Variants in EFNA1 observed in about 807,000 individuals in gnomAD.
EFNA1 encodes the protein ephrin-A1.
Under a neutral mutation model 23.2 loss-of-function variants are expected in EFNA1, and 8 were observed. The observed-to-expected ratio is 0.34, with a 90% CI of 0.20 to 0.62. The LOEUF (loss-of-function observed/expected upper bound fraction) is 0.62. Ranked by LOEUF, EFNA1 falls within the 20% of genes least tolerant of loss-of-function variation. The probability of loss-of-function intolerance (pLI) is 0.75; values close to 1 mark genes in which losing one functional copy is unlikely to be tolerated. For synonymous variants in EFNA1, 89 were observed against 98.6 expected, an observed-to-expected ratio of 0.90 and a Z score of 0.58; for missense variants, 217 against 260.0, an observed-to-expected ratio of 0.83 and a Z score of 1.14.
At chr1:155,133,911 G>C in intron 4 of EFNA1, 44 bp from the exon 5 acceptor site, 4 of 1,607,416 alleles carry the variant, frequency 2.5e-6, no homozygotes, top group Non-Finnish European at 3.4e-6. Flanking sequence ...AGTACAAATA[G>C]TGGAGCCACT....
At position 155,134,203 on chromosome 1, in the gene EFNA1, C is replaced by T; in HGVS notation, c.*136C>T. 1 of 868,100 alleles carries T rather than the reference C, an allele frequency of 1.2e-6. No individual in the cohort carries two copies. The highest frequency in any genetic ancestry group is 1.6e-5 in the South Asian group (1 of 63,998). The allele number at this position is 868,100 out of a possible 1,614,324, so 53.8% of individuals were successfully genotyped here. A position where few individuals can be genotyped will look rare whatever the true frequency, so the allele number is the denominator to read the frequency against. On this transcript the variant is annotated 3_prime_UTR_variant, in exon 5 of 5. Transcript: ENST00000368407. ...ACCACAGGCATAAGCTATCACCTAG[C>T]AGCCTCAAAACGGGTCAGTATTAAG...
Position 155,133,508 on chromosome 1 carries a change from C to G in EFNA1, c.394C>G (p.Pro132Ala). Residue 132 changes from proline (P) to alanine (A), a missense_variant, in exon 3 of 5, where the codon CCC becomes GCC. Physicochemically the swap from Pro to Ala is conservative, Grantham distance 27. Coordinates refer to ENST00000368407, the MANE Select transcript of EFNA1 (RefSeq NM_004428.3). ...CCTGTGGGCTTATCTTGCAGCCAAA[C>G]CCATCCACCAGCATGAAGACCGCTG... ...EGHSYYYISK[P>A]IHQHEDRCLR... 6.2e-7 allele frequency: 1 copy of G among 1,614,100 alleles called. No homozygotes were observed. The highest frequency in any genetic ancestry group is 1.1e-5 in the South Asian group (1 of 91,086).
rs1415809204 is a variant in EFNA1 at position 155,134,382 on chromosome 1, T to C, written c.*315T>C. ...GCAGGCATGGTCCCTTAAGGCACAG[T>C]GGGAGCTGAGCTGGAAGGGGCCACG... is the stretch of plus-strand genomic sequence containing the variant. On this transcript the variant is annotated 3_prime_UTR_variant, in exon 5 of 5. Transcript: ENST00000368407. 2.6e-6 allele frequency: 1 copy of C among 391,954 alleles called. No individual in the cohort carries two copies. Among genetic ancestry groups the C allele is most frequent in the African/African-American group, 2.0e-5 (1 of 48,790 alleles). 24.3% of individuals were successfully genotyped at this position (391,954 alleles called of 1,614,324 possible).
chr1:155,131,050 A>G (rs934381705), intron 1 of EFNA1: 1 of 985,310 alleles, frequency 1.0e-6, no homozygotes, highest in Non-Finnish European at 1.2e-6. Context: ...CCATCTAAAT[A>G]TCAGGTAAGT....
rs187680796 is a variant in EFNA1 at position 155,131,259 on chromosome 1, C to A, written c.93-80C>A. 5.3e-5 allele frequency: 80 copies of A among 1,509,080 alleles called. No homozygotes were observed. The African/African-American group carries it at 8.6e-4, about 16-fold the overall frequency. The allele number at this position is 1,509,080 out of a possible 1,614,324, so 93.5% of individuals were successfully genotyped here. ...GGGTCCAGTGTGAAATGTGAGAGGTCATGTAAACATTCAGAGGCCCAAGGA... is the reference window on the plus strand; with the variant it reads ...GGGTCCAGTGTGAAATGTGAGAGGTAATGTAAACATTCAGAGGCCCAAGGA... On this transcript the variant is annotated intron_variant, in intron 1 of 4. Coordinates refer to ENST00000368407, the MANE Select transcript of EFNA1 (RefSeq NM_004428.3).
intron 2 of EFNA1, 45 bp downstream of exon 2, chr1:155,131,679 T>C: frequency 6.3e-7 from 1 of 1,583,208 alleles, no homozygotes; most frequent in Non-Finnish European, 8.6e-7. Context: ...TTTTTTGCCA[T>C]TACATACATG....
intron 1 of EFNA1, 60 bp downstream of exon 1, chr1:155,128,129 T>C: frequency 6.8e-7 from 1 of 1,477,868 alleles, no homozygotes; most frequent in Non-Finnish European, 9.4e-7. Context: ...CCCACCGGGA[T>C]AACTGTCCCG....
chr1:155,130,975 C>G (rs1209136948), intron 1 of EFNA1: 1 of 985,126 alleles, frequency 1.0e-6, no homozygotes, highest in African/African-American at 1.7e-5. Context: ...ACTGGTAGAA[C>G]AGATTTGGGG....
At position 155,131,519 on chromosome 1, in the gene EFNA1, G is replaced by T. The variant is rs778578434; in HGVS notation, c.273G>T (p.Gln91His). ...QPQSKDQVRW[Q>H]CNRPSAKHGP... ...AGTCCAAGGACCAAGTCCGCTGGCA[G>T]TGCAACCGGCCCAGTGCCAAGCATG... Residue 91 changes from glutamine to histidine, a missense_variant, in exon 2 of 5, where the codon CAG becomes CAT. Coordinates refer to ENST00000368407, the MANE Select transcript of EFNA1 (RefSeq NM_004428.3). 4 of 1,613,558 alleles carry T rather than the reference G, an allele frequency of 2.5e-6. No homozygotes were observed. The highest frequency in any genetic ancestry group is 2.2e-5 in the South Asian group (2 of 90,988).
rs1205239967 is a variant in EFNA1 at position 155,131,494 on chromosome 1, A to G, written c.248A>G (p.Gln83Arg). ...EHEEYQLCQP[Q>R]SKDQVRWQCN... ...GAGGAGTACCAGCTGTGCCAGCCCC[A>G]GTCCAAGGACCAAGTCCGCTGGCAG... Residue 83 changes from glutamine to arginine, a missense_variant, in exon 2 of 5, where the codon CAG becomes CGG. Physicochemically the swap from Gln to Arg is conservative, Grantham distance 43. Coordinates refer to ENST00000368407, the MANE Select transcript of EFNA1 (RefSeq NM_004428.3). 6.2e-7 allele frequency: 1 copy of G among 1,613,700 alleles called. No homozygotes were observed. The highest frequency in any genetic ancestry group is 1.3e-5 in the African/African-American group (1 of 75,056).
chr1:155,130,521 G>T (rs1298931040), intron 1 of EFNA1: 2 of 984,806 alleles, frequency 2.0e-6, no homozygotes, highest in Non-Finnish European at 2.4e-6. Flanking sequence ...GGGGAGAGGG[G>T]AGAGGCTGTC....
intron 2 of EFNA1, among the ~76,000 whole-genome samples, chr1:155,132,449 T>TCTCTACTAAATAACTCGAGACCA: frequency 6.6e-6 from 1 of 151,654 alleles, no homozygotes; most frequent in South Asian, 2.1e-4. Flanking sequence ...GGTTTCACCA[T>TCTCTACTAAATAACTCGAGACCA]GTTGGTCAGA....
chr1:155,131,695 G>A (rs1664243118), intron 2 of EFNA1, 61 bp downstream of exon 2: 1 of 1,555,912 alleles, frequency 6.4e-7, no homozygotes, highest in Non-Finnish European at 8.8e-7. Flanking sequence ...ACATGCTTGG[G>A]TACATGCTTG....
chr1:155,134,624 G>T lies in EFNA1; in HGVS notation c.*557G>T, dbSNP rs1056268568. The T allele has an allele frequency of 5.5e-6, 1 of 183,246 alleles. No homozygotes were observed. The highest frequency in any genetic ancestry group is 2.4e-5 in the African/African-American group (1 of 41,894). The allele number at this position is 183,246 out of a possible 1,614,324, so 11.4% of individuals were successfully genotyped here. A position where few individuals can be genotyped will look rare whatever the true frequency, so the allele number is the denominator to read the frequency against. ...CAGGTACTGCATTCTCTCCCATCCT[G>T]GGGCAGCACTCCCCAGAGCTGTGCC... On this transcript the variant is annotated 3_prime_UTR_variant, in exon 5 of 5. Coordinates refer to ENST00000368407, the MANE Select transcript of EFNA1 (RefSeq NM_004428.3).
At chr1:155,130,803 C>T in intron 1 of EFNA1, 1 of 985,272 alleles carries the variant, frequency 1.0e-6, no homozygotes, top group Non-Finnish European at 1.2e-6. Context: ...GAGATCTACT[C>T]AGTGGGTCCG....
intron 2 of EFNA1, among the ~76,000 whole-genome samples, chr1:155,132,882 C>A (rs1242608186): frequency 6.6e-6 from 1 of 150,396 alleles, no homozygotes; most frequent in Admixed American, 6.7e-5. Context: ...AGGACTCTGT[C>A]GGTGGGGGCT....
At chr1:155,133,925 A>G in intron 4 of EFNA1, 30 bp from the exon 5 acceptor site, 1 of 1,609,850 alleles carries the variant, frequency 6.2e-7, no homozygotes, top group Non-Finnish European at 8.5e-7. Flanking sequence ...AGCCACTCAC[A>G]CTGGTGGCCT....
intron 2 of EFNA1, 89 bp downstream of exon 2, chr1:155,131,723 A>T: frequency 3.6e-6 from 5 of 1,400,344 alleles, no homozygotes; most frequent in Non-Finnish European, 4.9e-6. Flanking sequence ...GTCCAGCAGC[A>T]GAGGGCCCCT....
chr1:155,134,030 T>C lies in EFNA1; in HGVS notation c.581T>C (p.Val194Ala), dbSNP rs959193434. Reference sequence around the variant, plus strand: ...CGCCTCTTCCCACTTGCCTGGACTGTGCTGCTCCTTCCACTTCTGCTGCTG... The same window carrying C: ...CGCCTCTTCCCACTTGCCTGGACTGCGCTGCTCCTTCCACTTCTGCTGCTG... ...APRLFPLAWT[V>A]LLLPLLLLQT... Residue 194 changes from valine (V) to alanine (A), a missense_variant, in exon 5 of 5, where the codon GTG (valine) becomes GCG (alanine). Coordinates refer to ENST00000368407, the MANE Select transcript of EFNA1 (RefSeq NM_004428.3). 4 of 1,614,168 alleles carry C rather than the reference T, an allele frequency of 2.5e-6. No homozygotes were observed. Among genetic ancestry groups the C allele is most frequent in the Non-Finnish European group, 3.4e-6 (4 of 1,180,024 alleles).
Sources: allele counts gnomAD v4.1 joint callset (sites outside exome capture counted in the v4.1 genomes callset), GRCh38; gene constraint gnomAD v4.1.1; transcripts MANE v1.5; gene names NCBI Gene and HGNC (gene_info 2026-07-23, HGNC 2026-07-21).